Variants in POU6F2 observed in about 807,000 individuals in gnomAD.
The protein encoded by POU6F2 is POU domain, class 6, transcription factor 2.
A neutral mutation model predicts 71.3 loss-of-function variants in POU6F2; 31 were observed. The ratio of observed to expected loss-of-function variants is 0.43; its 90% CI spans 0.33 to 0.59. The LOEUF is 0.59. Ranked by LOEUF, POU6F2 falls within the 20% of genes least tolerant of loss-of-function variation. POU6F2 has a pLI of 0.04. For synonymous variants in POU6F2, 347 were observed against 355.7 expected (o/e 0.98, Z 0.27); for missense variants, 783 against 856.8 (o/e 0.91, Z 1.07).
intron 2 of POU6F2, among the ~76,000 whole-genome samples, chr7:39,143,576 G>C (rs1249341969): frequency 6.6e-6 from 1 of 152,188 alleles, no homozygotes; most frequent in African/African-American, 2.4e-5. Flanking sequence ...AAGATGGCTT[G>C]ACTGACCAGA....
chr7:39,291,801 G>T (rs943295576), intron 4 of POU6F2, among the ~76,000 whole-genome samples: 18 of 152,128 alleles, frequency 1.2e-4, no homozygotes, highest in Non-Finnish European at 2.9e-5. Context: ...TGGTGACAGG[G>T]AAAACAAAAA....
chr7:39,366,849 G>C (rs76596374), intron 5 of POU6F2, among the ~76,000 whole-genome samples: 1 of 151,998 alleles, frequency 6.6e-6, no homozygotes, highest in Non-Finnish European at 1.5e-5. Flanking sequence ...AAAGATGTGC[G>C]GATGGAGCTG....
At chr7:39,339,258 A>T (rs1562795784) in intron 4 of POU6F2, among the ~76,000 whole-genome samples, 1 of 152,202 alleles carries the variant, frequency 6.6e-6, no homozygotes, top group Non-Finnish European at 1.5e-5. Context: ...CAAAACAACT[A>T]AACTGGTTGG....
At chr7:39,013,350 C>G (rs1420272503) in intron 1 of POU6F2, 1 of 152,390 alleles carries the variant, frequency 6.6e-6, no homozygotes, top group Admixed American at 6.5e-5. Context: ...ACCCCTTGCG[C>G]TTCCCAAGTG....
At chr7:39,383,209 G>A (rs907702148) in intron 5 of POU6F2, among the ~76,000 whole-genome samples, 11 of 152,100 alleles carry the variant, frequency 7.2e-5, no homozygotes, top group Admixed American at 2.0e-4. Context: ...TGTAACAAAC[G>A]TAATACATGT....
At chr7:39,004,326 T>C (rs984816788) in intron 1 of POU6F2, among the ~76,000 whole-genome samples, 1 of 152,252 alleles carries the variant, frequency 6.6e-6, no homozygotes, top group African/African-American at 2.4e-5. Flanking sequence ...ATATGAGTAT[T>C]AGGCACATTT....
chr7:39,447,490 C>A (rs1000104392), intron 7 of POU6F2, among the ~76,000 whole-genome samples: 1 of 152,114 alleles, frequency 6.6e-6, no homozygotes, highest in Non-Finnish European at 1.5e-5. Context: ...GCTGTGTAAT[C>A]CCAAGTAAGT....
At chr7:39,031,458 G>A (rs1789939966) in intron 1 of POU6F2, among the ~76,000 whole-genome samples, 1 of 152,160 alleles carries the variant, frequency 6.6e-6, no homozygotes, top group Non-Finnish European at 1.5e-5. Context: ...AAGGTTCCAT[G>A]TGAATGTGAA....
chr7:39,147,236 C>T (rs1188275639), intron 2 of POU6F2, among the ~76,000 whole-genome samples: 2 of 152,046 alleles, frequency 1.3e-5, no homozygotes, highest in Non-Finnish European at 2.9e-5. Flanking sequence ...GGGTGTTTGC[C>T]ACACTTTTAA....
intron 4 of POU6F2, among the ~76,000 whole-genome samples, chr7:39,335,814 C>T (rs539947929): frequency 4.1e-4 from 63 of 152,348 alleles, no homozygotes; most frequent in African/African-American, 1.4e-3. Context: ...CAGCATTTCT[C>T]GAAGCCATTG....
At chr7:39,410,871 G>A (rs1787536567) in intron 6 of POU6F2, among the ~76,000 whole-genome samples, 1 of 152,182 alleles carries the variant, frequency 6.6e-6, no homozygotes, top group Admixed American at 6.5e-5. Flanking sequence ...AAAGAGTTCT[G>A]GAGCCAGACT....
At chr7:39,097,072 G>T (rs1281180495) in intron 2 of POU6F2, among the ~76,000 whole-genome samples, 1 of 151,950 alleles carries the variant, frequency 6.6e-6, no homozygotes, top group Non-Finnish European at 1.5e-5. Flanking sequence ...TTTTACAATG[G>T]TTATCAAGTT....
At chr7:39,173,626 T>C (rs1793269780) in intron 2 of POU6F2, among the ~76,000 whole-genome samples, 1 of 152,258 alleles carries the variant, frequency 6.6e-6, no homozygotes, top group African/African-American at 2.4e-5. Context: ...ACTGCTCTCA[T>C]GCTCTGGAGA....
At chr7:39,037,666 A>G (rs1313667736) in intron 1 of POU6F2, among the ~76,000 whole-genome samples, 1 of 151,890 alleles carries the variant, frequency 6.6e-6, no homozygotes, top group Admixed American at 6.6e-5. Flanking sequence ...TCATTTTTTT[A>G]TTTGGAGGCA....
intron 4 of POU6F2, among the ~76,000 whole-genome samples, chr7:39,211,052 A>G (rs1248554819): frequency 1.3e-5 from 2 of 152,138 alleles, no homozygotes; most frequent in Non-Finnish European, 2.9e-5. Context: ...TCCTCCCACC[A>G]CAGAAGGTAT....
intron 2 of POU6F2, among the ~76,000 whole-genome samples, chr7:39,114,405 A>G (rs1288827596): frequency 6.6e-6 from 1 of 152,128 alleles, no homozygotes; most frequent in Non-Finnish European, 1.5e-5. Flanking sequence ...GTGAGTCTTA[A>G]AACCCCTTTA....
chr7:39,188,251 A>C (rs1355602553), intron 2 of POU6F2, among the ~76,000 whole-genome samples: 2 of 152,242 alleles, frequency 1.3e-5, no homozygotes, highest in Non-Finnish European at 2.9e-5. Flanking sequence ...TCACACAGGC[A>C]GTGCATGTGA....
At position 39,408,839 on chromosome 7, in the gene POU6F2, G is replaced by GT. The variant is rs571829728; in HGVS notation, c.1113+2106dup. ...GGTTGGTTTTGTTTGTTTGTTTTTT[G>GT]TTTTTTTGATGTTCAGAATATAAAC... On this transcript the variant is annotated intron_variant, in intron 6 of 9. Coordinates refer to ENST00000518318, the MANE Select transcript of POU6F2 (RefSeq NM_001370959.1). 2.1e-3 allele frequency among the ~76,000 whole-genome samples: 314 copies of GT among 152,098 alleles called. 1 individual carries two copies. The highest frequency in any genetic ancestry group is 7.2e-3 in the African/African-American group (298 of 41,504).
chr7:39,280,388 C>T (rs1784540865), intron 4 of POU6F2, among the ~76,000 whole-genome samples: 1 of 152,178 alleles, frequency 6.6e-6, no homozygotes, highest in African/African-American at 2.4e-5. Flanking sequence ...TTCCCTCCTT[C>T]TCTCCTGAGC....
Sources: gnomAD v4.1 joint callset for allele counts (sites outside exome capture counted in the v4.1 genomes callset) on GRCh38, gnomAD v4.1.1 for gene constraint, MANE v1.5 for transcripts, NCBI Gene and HGNC (gene_info 2026-07-23, HGNC 2026-07-21) for gene names.